ZW10: variants seen among roughly 807,000 people sequenced by gnomAD.
The protein encoded by ZW10 is zw10 kinetochore protein, also known as centromere/kinetochore protein zw10 homolog.
A neutral mutation model predicts 87.8 loss-of-function variants in ZW10; 53 were observed. The observed-to-expected ratio is 0.60, with a 90% confidence interval of 0.48 to 0.76. The LOEUF (loss-of-function observed/expected upper bound fraction) is 0.76, where lower values mean the gene tolerates loss of function less well. Among genes scored for constraint, ZW10 ranks in the 30% least tolerant of loss-of-function variants. ZW10 has a pLI of 0.00. For missense variants in ZW10, 837 were observed against 923.0 expected, an observed-to-expected ratio of 0.91 and a Z score of 1.21; for synonymous variants, 312 against 329.2, an observed-to-expected ratio of 0.95 and a Z score of 0.57.
At chr11:113,748,490 T>C in intron 7 of ZW10, 70 bp from the exon 8 acceptor site, 4 of 1,340,916 alleles carry the variant, frequency 3.0e-6, no homozygotes, top group Non-Finnish European at 4.0e-6. Context: ...TTAGGTTTTC[T>C]AGAATTCTTT....
chr11:113,743,241 A>T (rs968464866), intron 10 of ZW10, among the ~76,000 whole-genome samples: 5 of 152,230 alleles, frequency 3.3e-5, no homozygotes, highest in Non-Finnish European at 7.3e-5. Flanking sequence ...CTGCCTAACA[A>T]ATTGTTATTG....
chr11:113,768,699 T>C, intron 2 of ZW10, 134 bp downstream of exon 2: 1 of 882,838 alleles, frequency 1.1e-6, no homozygotes, highest in South Asian at 2.1e-5. Context: ...CACCCTACAA[T>C]CATTTAGTTC....
intron 2 of ZW10, among the ~76,000 whole-genome samples, chr11:113,766,066 G>A (rs902111938): frequency 6.6e-6 from 1 of 152,282 alleles, no homozygotes; most frequent in Middle Eastern, 3.4e-3. Flanking sequence ...GGAGACTCAC[G>A]TCTTCTACAA....
chr11:113,734,592 G>A (rs1242270550), intron 15 of ZW10, among the ~76,000 whole-genome samples: 2 of 152,086 alleles, frequency 1.3e-5, no homozygotes, highest in Non-Finnish European at 2.9e-5. Context: ...ATCACATGAG[G>A]TCAGGAGTTC....
Position 113,768,965 on chromosome 11 carries a change from A to G in ZW10, c.108T>C (p.Gly36=). Residue 36 remains glycine, a splice_region_variant and synonymous_variant, in exon 2 of 16, where the codon GGT becomes GGC. Transcript: ENST00000200135. ...RLTRRVEEIK[G]EVCNMISKKY... is the part of the protein sequence containing the mutation. ...TCTTGCTAATCATATTGCACACCTC[A>G]CCCTAAAATATAAAACAGAATTATA... 3 of 1,613,692 alleles carry G rather than the reference A, an allele frequency of 1.9e-6. No homozygotes were observed. The highest frequency in any genetic ancestry group is 2.5e-6 in the Non-Finnish European group (3 of 1,179,766).
intron 2 of ZW10, among the ~76,000 whole-genome samples, chr11:113,767,127 T>C (rs1953916468): frequency 6.7e-6 from 1 of 149,044 alleles, no homozygotes; most frequent in South Asian, 2.1e-4. Flanking sequence ...TATACTAGAA[T>C]AGCTGGGCCT....
Position 113,736,798 on chromosome 11 carries a change from T to G in ZW10, c.2041A>C (p.Arg681=). The G allele has an allele frequency of 6.2e-7, 1 of 1,614,166 alleles. No individual in the cohort carries two copies. The part of the protein sequence containing the change: ...LEDISTEDGD[R]LYSLCKTVMD... Reference sequence around the variant, plus strand: ...ACTGTTTTGCATAAGGAATATAACCTATCACCATCTTCAGTAGATATGTCC... The same window carrying G: ...ACTGTTTTGCATAAGGAATATAACCGATCACCATCTTCAGTAGATATGTCC... The change falls in exon 15 of 16, where the codon AGG becomes CGG. Residue 681 remains arginine (R), a synonymous_variant. Coordinates refer to ENST00000200135, the MANE Select transcript of ZW10 (RefSeq NM_004724.4).
At chr11:113,772,203 G>T (rs1373904173) in intron 1 of ZW10, among the ~76,000 whole-genome samples, 2 of 152,182 alleles carry the variant, frequency 1.3e-5, no homozygotes, top group East Asian at 1.9e-4. Context: ...GAAGATTCAA[G>T]TTGGTAAAGG....
At chr11:113,738,144 G>A (rs931582809) in intron 13 of ZW10, 120 bp downstream of exon 13, 1 of 1,113,260 alleles carries the variant, frequency 9.0e-7, no homozygotes, top group Non-Finnish European at 1.2e-6. Flanking sequence ...TTCCAAAGGT[G>A]GGGGTGCAGG....
rs765903519 is a variant in ZW10 at position 113,741,780 on chromosome 11, T to C, written c.1512-15A>G. ...GTTGAACAGCACTAAAAAGAAAACA[T>C]AGACTTAACAGAAATGCCTAAGAAT... On this transcript the variant is annotated splice_polypyrimidine_tract_variant and intron_variant, in intron 10 of 15. Transcript: ENST00000200135. The C allele has an allele frequency of 1.1e-5, 18 of 1,581,914 alleles. No individual in the cohort carries two copies. The East Asian group carries it at 2.0e-4, about 18-fold the overall frequency.
chr11:113,739,444 G>C, intron 11 of ZW10, 62 bp from the exon 12 acceptor site: 2 of 1,439,344 alleles, frequency 1.4e-6, no homozygotes, highest in South Asian at 2.7e-5. Context: ...TGGGGTTGAT[G>C]AAAGTCACAA....
intron 10 of ZW10, among the ~76,000 whole-genome samples, chr11:113,743,267 T>C (rs921426081): frequency 3.9e-5 from 6 of 152,164 alleles, no homozygotes; most frequent in African/African-American, 1.4e-4. Flanking sequence ...AATATAAACA[T>C]TTAAAATATA....
At chr11:113,753,606 A>G (rs1251527888) in intron 7 of ZW10, among the ~76,000 whole-genome samples, 1 of 152,140 alleles carries the variant, frequency 6.6e-6, no homozygotes, top group South Asian at 2.1e-4. Flanking sequence ...GGGTTTCACC[A>G]TGTTGGCCAG....
At chr11:113,741,644 C>T in intron 11 of ZW10, 50 bp downstream of exon 11, 1 of 1,244,038 alleles carries the variant, frequency 8.0e-7, no homozygotes, top group Non-Finnish European at 1.1e-6. Flanking sequence ...TTAACTTCCA[C>T]ATCTTAGACA....
chr11:113,733,926 C>G, intron 15 of ZW10, 112 bp from the exon 16 acceptor site: 1 of 1,302,422 alleles, frequency 7.7e-7, no homozygotes, highest in African/African-American at 1.5e-5. Context: ...GGAAATAAAA[C>G]AAATCCTGGG....
intron 15 of ZW10, among the ~76,000 whole-genome samples, chr11:113,736,214 G>A (rs1019431171): frequency 2.0e-5 from 3 of 152,024 alleles, no homozygotes; most frequent in African/African-American, 7.2e-5. Flanking sequence ...GTTTGAGGCT[G>A]CAGTGAGGAA....
At chr11:113,768,682 T>C (rs1057038414) in intron 2 of ZW10, 151 bp downstream of exon 2, 5 of 767,838 alleles carry the variant, frequency 6.5e-6, no homozygotes, top group Non-Finnish European at 9.7e-6. Flanking sequence ...TATTTCAGAA[T>C]TGAAGTCACC....
chr11:113,770,192 G>A (rs982992136), intron 1 of ZW10, among the ~76,000 whole-genome samples: 3 of 147,420 alleles, frequency 2.0e-5, no homozygotes, highest in African/African-American at 7.5e-5. Flanking sequence ...GGGTACAAGC[G>A]ATTCTCCTGC....
At chr11:113,773,299 G>T (rs1368755111) in intron 1 of ZW10, among the ~76,000 whole-genome samples, 1 of 151,208 alleles carries the variant, frequency 6.6e-6, no homozygotes, top group South Asian at 2.1e-4. Context: ...TCCAGCCACC[G>T]CCTGTTCGTC....
Sources: gnomAD v4.1 joint callset for allele counts (sites outside exome capture counted in the v4.1 genomes callset) on GRCh38, gnomAD v4.1.1 for gene constraint, MANE v1.5 for transcripts, NCBI Gene and HGNC (gene_info 2026-07-23, HGNC 2026-07-21) for gene names.